RAB8B: variants seen among roughly 807,000 people sequenced by gnomAD.
RAB8B encodes RAB8B, member RAS oncogene family, also known as ras-related protein Rab-8B.
Under a neutral mutation model 32.0 loss-of-function variants are expected in RAB8B, and 11 were observed. The observed-to-expected ratio is 0.34, with a 90% confidence interval of 0.22 to 0.57. The LOEUF (loss-of-function observed/expected upper bound fraction) is 0.57, where lower values mean the gene tolerates loss of function less well. RAB8B is among the 20% of genes least tolerant of loss of function. The probability of loss-of-function intolerance (pLI) is 0.86; values close to 1 mark genes in which losing one functional copy is unlikely to be tolerated. For synonymous variants in RAB8B, 103 were observed against 89.6 expected (o/e 1.15, Z -0.85); for missense variants, 190 against 258.5 (o/e 0.73, Z 1.82).
intron 1 of RAB8B, among the ~76,000 whole-genome samples, chr15:63,202,765 T>C (rs35612331): frequency 0.064 from 9,775 of 152,336 alleles, 433 homozygotes; most frequent in Middle Eastern, 0.14. Flanking sequence ...TTCTAGCTTT[T>C]GTTTGTAAAA....
intron 1 of RAB8B, among the ~76,000 whole-genome samples, chr15:63,217,848 C>A (rs2037806951): frequency 6.6e-6 from 1 of 152,156 alleles, no homozygotes; most frequent in South Asian, 2.1e-4. Context: ...CAGACTCTCA[C>A]TTTAAAATTA....
chr15:63,223,205 G>C (rs375795536), intron 1 of RAB8B: 1 of 368,588 alleles, frequency 2.7e-6, no homozygotes, highest in Non-Finnish European at 5.4e-6. Flanking sequence ...TCCACCTCCC[G>C]GGTTCAAGCG....
intron 1 of RAB8B, among the ~76,000 whole-genome samples, chr15:63,210,435 C>G (rs2037737497): frequency 6.6e-6 from 1 of 152,226 alleles, no homozygotes; most frequent in Admixed American, 6.5e-5. Flanking sequence ...TCTACTCTCT[C>G]CCCTAAAATC....
intron 1 of RAB8B, among the ~76,000 whole-genome samples, chr15:63,243,455 T>C (rs771900558): frequency 6.6e-6 from 1 of 152,246 alleles, no homozygotes; most frequent in Non-Finnish European, 1.5e-5. Context: ...TTGCTGATAT[T>C]TGTCAAGGGC....
intron 1 of RAB8B, among the ~76,000 whole-genome samples, chr15:63,221,175 G>C (rs1009989731): frequency 3.3e-5 from 5 of 152,280 alleles, no homozygotes; most frequent in South Asian, 2.1e-4. Context: ...GAATACCACA[G>C]AGCATGAAAG....
At chr15:63,209,930 G>A (rs12907882) in intron 1 of RAB8B, among the ~76,000 whole-genome samples, 22,937 of 151,690 alleles carry the variant, frequency 0.15, 2,118 homozygotes, top group East Asian at 0.46. Context: ...GCCCCGGTGT[G>A]TGATGTTCCC....
In RAB8B at chr15:63,230,001, C is replaced by A. The variant is rs547147944; in HGVS notation, c.125-14755C>A. On this transcript the variant is annotated intron_variant, in intron 1 of 7. Coordinates refer to ENST00000321437, the MANE Select transcript of RAB8B (RefSeq NM_016530.3). ...TGCTTACAAATCAGGAGGATGTAGT[C>A]ACTGGTAGTTTTTCATTATTGATTG... Among the ~76,000 whole-genome samples the A allele has an allele frequency of 2.6e-5, 4 of 152,012 alleles. No individual in the cohort carries two copies. The East Asian group carries it at 7.8e-4, about 29-fold the overall frequency.
chr15:63,206,347 T>C (rs2037697855), intron 1 of RAB8B, among the ~76,000 whole-genome samples: 1 of 152,098 alleles, frequency 6.6e-6, no homozygotes, highest in African/African-American at 2.4e-5. Context: ...GTGCAGTTGA[T>C]AGCCCATAGC....
chr15:63,190,890 C>T (rs1022033523), intron 1 of RAB8B, among the ~76,000 whole-genome samples: 5 of 152,180 alleles, frequency 3.3e-5, no homozygotes, highest in Non-Finnish European at 5.9e-5. Context: ...ATGTGATATA[C>T]CTCTCAGTTA....
At chr15:63,210,933 G>C (rs994251437) in intron 1 of RAB8B, among the ~76,000 whole-genome samples, 1 of 152,184 alleles carries the variant, frequency 6.6e-6, no homozygotes, top group African/African-American at 2.4e-5. Flanking sequence ...CAGCATACTC[G>C]AGATACTGTG....
intron 3 of RAB8B, 39 bp downstream of exon 3, chr15:63,249,744 A>G (rs769773992): frequency 6.3e-7 from 1 of 1,576,028 alleles, no homozygotes; most frequent in Non-Finnish European, 8.7e-7. Flanking sequence ...TTCAGGTAGA[A>G]GTAAAGCATG....
At chr15:63,239,671 G>A (rs577528609) in intron 1 of RAB8B, among the ~76,000 whole-genome samples, 1 of 152,222 alleles carries the variant, frequency 6.6e-6, no homozygotes, top group South Asian at 2.1e-4. Flanking sequence ...GCCTCCCAAA[G>A]TGCTGGGATT....
chr15:63,226,276 CTG>C (rs1184469078), intron 1 of RAB8B, among the ~76,000 whole-genome samples: 1 of 152,186 alleles, frequency 6.6e-6, no homozygotes, highest in African/African-American at 2.4e-5. Context: ...TTAGCCATAT[CTG>C]TTACATAGCT....
chr15:63,259,874 C>T lies in RAB8B; in HGVS notation c.480+182C>T, dbSNP rs535011992. 8.3e-4 allele frequency among the ~76,000 whole-genome samples: 126 copies of T among 151,456 alleles called. 1 individual carries two copies. The highest frequency in any genetic ancestry group is 2.9e-3 in the African/African-American group (119 of 41,222). On this transcript the variant is annotated intron_variant, in intron 6 of 7. Transcript: ENST00000321437. This position sits in a 1 kb window ranked among gnomAD's most constrained non-coding sequence, Gnocchi z 4.4. Reference sequence around the variant, plus strand: ...TTTTTGAGATGGAGTCTCACTCTGTCGCCAGGCTGGAATGCAGTGGCATGA... The same window carrying T: ...TTTTTGAGATGGAGTCTCACTCTGTTGCCAGGCTGGAATGCAGTGGCATGA...
chr15:63,247,270 C>T (rs1253591676), intron 2 of RAB8B, among the ~76,000 whole-genome samples: 3 of 152,210 alleles, frequency 2.0e-5, no homozygotes. Flanking sequence ...TATCTAAATA[C>T]CATCACATTG....
At chr15:63,216,331 C>T (rs1157236079) in intron 1 of RAB8B, among the ~76,000 whole-genome samples, 3 of 150,562 alleles carry the variant, frequency 2.0e-5, no homozygotes, top group Non-Finnish European at 4.4e-5. Context: ...TGGTTTCATG[C>T]AATTCTCCTG....
At chr15:63,193,033 G>T (rs1235542282) in intron 1 of RAB8B, among the ~76,000 whole-genome samples, 1 of 152,086 alleles carries the variant, frequency 6.6e-6, no homozygotes, top group Non-Finnish European at 1.5e-5. Context: ...CACCAGTCTG[G>T]GCAACATAGC....
At chr15:63,262,611 G>T in intron 6 of RAB8B, 81 bp from the exon 7 acceptor site, 1 of 454,784 alleles carries the variant, frequency 2.2e-6, no homozygotes. Flanking sequence ...GAGGCGGGGG[G>T]AATATATATA....
At chr15:63,206,361 C>A (rs2037698138) in intron 1 of RAB8B, among the ~76,000 whole-genome samples, 1 of 152,052 alleles carries the variant, frequency 6.6e-6, no homozygotes, top group South Asian at 2.1e-4. Flanking sequence ...CCATAGCAAT[C>A]TCCTTAAGTC....
Sources: gnomAD v4.1 joint callset for allele counts (sites outside exome capture counted in the v4.1 genomes callset) on GRCh38, gnomAD v4.1.1 for gene constraint, Gnocchi (gnomAD v3.1) non-coding constraint, MANE v1.5 for transcripts, NCBI Gene and HGNC (gene_info 2026-07-23, HGNC 2026-07-21) for gene names.